ABCG1: variants seen among roughly 807,000 people sequenced by gnomAD.
ABCG1 encodes ATP-binding cassette sub-family G member 1.
ABCG1 carries 29 observed loss-of-function variants against 69.2 expected under a neutral mutation model. That is an observed-to-expected ratio of 0.42 (90% CI 0.31 to 0.57). The LOEUF (loss-of-function observed/expected upper bound fraction) is 0.57, where lower values mean the gene tolerates loss of function less well. ABCG1 is among the 20% of genes least tolerant of loss of function. The pLI is 0.15. For missense variants in ABCG1, 718 were observed against 898.1 expected (o/e 0.80, Z 2.56); for synonymous variants, 370 against 374.8 (o/e 0.99, Z 0.15).
intron 2 of ABCG1, among the ~76,000 whole-genome samples, chr21:42,249,956 G>A (rs949073777): frequency 7.3e-5 from 11 of 151,294 alleles, no homozygotes; most frequent in Non-Finnish European, 1.6e-4. Flanking sequence ...AGTCAGCCGA[G>A]ATGGCGCCAC....
chr21:42,289,081 A>G (rs142301196), intron 10 of ABCG1, among the ~76,000 whole-genome samples: 1,939 of 152,352 alleles, frequency 0.013, 34 homozygotes, highest in African/African-American at 0.04. Flanking sequence ...GGGCGGGGAC[A>G]CAGACCCAAA....
At chr21:42,259,190 T>G (rs1486365094) in intron 2 of ABCG1, 2 of 1,406,842 alleles carry the variant, frequency 1.4e-6, no homozygotes, top group Non-Finnish European at 1.9e-6. Flanking sequence ...GAGACGACAT[T>G]GCGTTCCCAG....
chr21:42,275,616 G>A lies in ABCG1; in HGVS notation c.538-1279G>A, dbSNP rs553538378. On this transcript the variant is annotated intron_variant, in intron 4 of 14. Coordinates refer to ENST00000398449, the MANE Select transcript of ABCG1 (RefSeq NM_016818.3). ...ATGCTCGAGACCCTTCACTGGGACC[G>A]CAGCTCAATGGCTGCATTCTCCACA... Among the ~76,000 whole-genome samples, 10 of 152,306 alleles carry A rather than the reference G, an allele frequency of 6.6e-5. No individual in the cohort carries two copies. The South Asian group carries it at 8.3e-4, about 13-fold the overall frequency.
chr21:42,276,762 T>A lies in ABCG1; in HGVS notation c.538-133T>A. ...TGTGGCTAGCTGCACTGTGGGTAGC[T>A]GCACCGTGGCTAGTGGCACTGTGGC... is the stretch of plus-strand genomic sequence containing the variant. On this transcript the variant is annotated intron_variant, in intron 4 of 14. Coordinates refer to ENST00000398449, the MANE Select transcript of ABCG1 (RefSeq NM_016818.3). The surrounding 1 kb of genome is among the most constrained non-coding windows in gnomAD (Gnocchi z 5.3). The A allele has an allele frequency of 1.2e-6, 1 of 860,362 alleles. No homozygotes were observed. 53.3% of individuals were successfully genotyped at this position (860,362 alleles called of 1,614,324 possible).
At chr21:42,208,712 GGATAATTTACTGA>G (rs1464450020) in intron 2 of ABCG1, among the ~76,000 whole-genome samples, 1 of 152,102 alleles carries the variant, frequency 6.6e-6, no homozygotes, top group Non-Finnish European at 1.5e-5. Flanking sequence ...TCATGTAGCA[GGATAATTTACTGA>G]GATAATTTAT....
At chr21:42,247,195 A>G (rs1269169674) in intron 2 of ABCG1, among the ~76,000 whole-genome samples, 1 of 152,206 alleles carries the variant, frequency 6.6e-6, no homozygotes, top group Non-Finnish European at 1.5e-5. Flanking sequence ...TCTTGTCTTC[A>G]TTCAACAAAC....
chr21:42,216,924 A>T (rs1893591), upstream of ABCG1, among the ~76,000 whole-genome samples: 1,948 of 152,078 alleles, frequency 0.013, 48 homozygotes, highest in African/African-American at 0.044. Flanking sequence ...CGTGGTGGGG[A>T]TTTTGACCCC....
intron 2 of ABCG1, among the ~76,000 whole-genome samples, chr21:42,247,907 C>A (rs992508449): frequency 6.6e-6 from 1 of 152,150 alleles, no homozygotes; most frequent in African/African-American, 2.4e-5. Flanking sequence ...AGCCTGGAGA[C>A]GCAAGGAAGG....
chr21:42,296,072 G>A lies in ABCG1; in HGVS notation c.1773-92G>A. ...TGGGAAGGGAGGATAGCCAAGCTGG[G>A]AATCGCAGGGAGGGTGAACGACATT... On this transcript the variant is annotated intron_variant, in intron 14 of 14. Coordinates refer to ENST00000398449, the MANE Select transcript of ABCG1 (RefSeq NM_016818.3). This position sits in a 1 kb window ranked among gnomAD's most constrained non-coding sequence, Gnocchi z 5.4. 9.2e-7 allele frequency: 1 copy of A among 1,081,542 alleles called. No homozygotes were observed. The allele number at this position is 1,081,542 out of a possible 1,614,324, so 67.0% of individuals were successfully genotyped here. A position where few individuals can be genotyped will look rare whatever the true frequency, so the allele number is the denominator to read the frequency against.
chr21:42,204,691 G>A (rs1203950121), intron 2 of ABCG1, among the ~76,000 whole-genome samples: 1 of 152,140 alleles, frequency 6.6e-6, no homozygotes, highest in South Asian at 2.1e-4. Flanking sequence ...CCATTGGTCT[G>A]CAGTGTAGTA....
intron 2 of ABCG1, among the ~76,000 whole-genome samples, chr21:42,268,809 A>G (rs2068563530): frequency 6.6e-6 from 1 of 151,952 alleles, no homozygotes. Flanking sequence ...TGCTCTTCCC[A>G]TGAGAGGGCC....
intron 7 of ABCG1, among the ~76,000 whole-genome samples, chr21:42,285,139 G>T (rs1601446344): frequency 6.6e-6 from 1 of 152,050 alleles, no homozygotes. Context: ...GGGGGGAGGG[G>T]GGACACTTGT....
chr21:42,202,705 A>G lies in ABCG1; in HGVS notation c.48+982A>G, dbSNP rs529898927. On this transcript the variant is annotated intron_variant, in intron 2 of 15. Coordinates refer to the ABCG1 transcript ENST00000398457. The stretch of plus-strand genomic sequence containing the variant: ...CAGCTCACTGCAACCTCTGCCTCCC[A>G]GGCTCAAGCGATCCTCCCACCTCAG... Among the ~76,000 whole-genome samples, 10 of 151,794 alleles carry G rather than the reference A, an allele frequency of 6.6e-5. No homozygotes were observed. The East Asian group carries it at 1.9e-3, about 29-fold the overall frequency.
intron 1 of ABCG1, chr21:42,221,390 C>G (rs532727149): frequency 1.3e-5 from 2 of 152,344 alleles, no homozygotes; most frequent in Admixed American, 1.3e-4. Context: ...CTTCACCTCC[C>G]TGCCCTGGGG....
intron 2 of ABCG1, among the ~76,000 whole-genome samples, chr21:42,263,879 C>T (rs1293843322): frequency 6.6e-6 from 1 of 152,228 alleles, no homozygotes; most frequent in Non-Finnish European, 1.5e-5. Flanking sequence ...ACGGCGTTGC[C>T]TGAGACGGGA....
chr21:42,234,843 G>T (rs1335294115), intron 2 of ABCG1, among the ~76,000 whole-genome samples: 5 of 151,256 alleles, frequency 3.3e-5, no homozygotes, highest in Non-Finnish European at 7.4e-5. Context: ...GCGCGCTGCC[G>T]CGCGTGTGCA....
intron 2 of ABCG1, among the ~76,000 whole-genome samples, chr21:42,229,719 CA>C (rs111626580): frequency 6.3e-5 from 9 of 143,636 alleles, no homozygotes; most frequent in East Asian, 4.0e-4. Context: ...GACTCTGTCT[CA>C]AAAAAAAAAC....
rs371003064 is a variant in ABCG1 at position 42,282,379 on chromosome 21, G to A, written c.694G>A (p.Val232Met). The A allele has an allele frequency of 7.4e-6, 12 of 1,613,848 alleles. No homozygotes were observed. The African/African-American group carries it at 8.0e-5, about 11-fold the overall frequency. Reference protein sequence around the residue: ...RKRLAIALELVNNPPVMFFDE... With the variant: ...RKRLAIALELMNNPPVMFFDE... Reference sequence around the variant, plus strand: ...GCGCCTGGCCATCGCGCTGGAGCTGGTGAACAACCCTCCAGTCATGTTCTT... The same window carrying A: ...GCGCCTGGCCATCGCGCTGGAGCTGATGAACAACCCTCCAGTCATGTTCTT... The change falls in exon 6 of 15, where the codon GTG (valine) becomes ATG (methionine). Residue 232 changes from valine (V) to methionine (M), a missense_variant. Coordinates refer to ENST00000398449, the MANE Select transcript of ABCG1 (RefSeq NM_016818.3).
chr21:42,259,362 G>A (rs1346420441), intron 2 of ABCG1: 2 of 1,550,410 alleles, frequency 1.3e-6, no homozygotes, highest in South Asian at 2.4e-5. Flanking sequence ...TGCTAAACTG[G>A]AGAGCTCAGT....
Sources: gnomAD v4.1 joint callset for allele counts (sites outside exome capture counted in the v4.1 genomes callset) on GRCh38, gnomAD v4.1.1 for gene constraint, Gnocchi (gnomAD v3.1) non-coding constraint, MANE v1.5 for transcripts, NCBI Gene and HGNC (gene_info 2026-07-23, HGNC 2026-07-21) for gene names.